The following GABRB1 variants were observed in gnomAD, a reference collection of about 807,000 sequenced individuals.
The protein encoded by GABRB1 is gamma-aminobutyric acid receptor subunit beta-1.
GABRB1 carries 17 observed loss-of-function variants against 51.6 expected under a neutral mutation model. The observed-to-expected ratio is 0.33, with a 90% confidence interval of 0.23 to 0.49. The LOEUF is 0.49. Ranked by LOEUF, GABRB1 falls within the 20% of genes least tolerant of loss-of-function variation. The probability of loss-of-function intolerance (pLI) is 0.99; values close to 1 mark genes in which losing one functional copy is unlikely to be tolerated. For synonymous variants in GABRB1, 247 were observed against 218.9 expected, an observed-to-expected ratio of 1.13 and a Z score of -1.14; for missense variants, 410 against 600.6, an observed-to-expected ratio of 0.68 and a Z score of 3.32.
intron 3 of GABRB1, among the ~76,000 whole-genome samples, chr4:47,155,916 C>CATATATATATATATAT (rs10525795): frequency 0.12 from 8,954 of 72,012 alleles, 1,725 homozygotes; most frequent in Non-Finnish European, 0.18. Flanking sequence ...GAGGTATTTT[C>CATATATATATATATAT]ATATATATAT....
chr4:47,233,174 C>T (rs1369940968), intron 4 of GABRB1, among the ~76,000 whole-genome samples: 3 of 152,104 alleles, frequency 2.0e-5, no homozygotes, highest in Non-Finnish European at 4.4e-5. Flanking sequence ...CCACATCCCA[C>T]CTGATAATCT....
At chr4:47,370,685 G>A (rs1727157797) in intron 5 of GABRB1, among the ~76,000 whole-genome samples, 1 of 152,152 alleles carries the variant, frequency 6.6e-6, no homozygotes, top group Non-Finnish European at 1.5e-5. Context: ...CTCAATGTGA[G>A]TAACCATCTG....
At chr4:47,150,359 CACACGCACATACACACACACAG>C (rs1290695527) in intron 3 of GABRB1, among the ~76,000 whole-genome samples, 69 of 110,868 alleles carry the variant, frequency 6.2e-4, no homozygotes, top group African/African-American at 2.0e-3. Context: ...TACACACACA[CACACGCACATACACACACACAG>C]AGAGAGAGAG....
intron 4 of GABRB1, among the ~76,000 whole-genome samples, chr4:47,246,634 C>T (rs1216655123): frequency 6.6e-6 from 1 of 151,536 alleles, no homozygotes; most frequent in Non-Finnish European, 1.5e-5. Context: ...TACTAGTTTA[C>T]ATTCCCACCA....
intron 5 of GABRB1, among the ~76,000 whole-genome samples, chr4:47,320,454 GTTT>G (rs1725039055): frequency 6.6e-6 from 1 of 152,192 alleles, no homozygotes; most frequent in Non-Finnish European, 1.5e-5. Context: ...TCAGAACGTA[GTTT>G]CTCCCAAAGC....
intron 4 of GABRB1, among the ~76,000 whole-genome samples, chr4:47,270,424 G>A (rs1206629519): frequency 6.6e-6 from 1 of 152,156 alleles, no homozygotes; most frequent in Admixed American, 6.5e-5. Context: ...TTACTCCCAA[G>A]CACAGCAAGG....
At chr4:46,994,790 C>T (rs889526381) in intron 1 of GABRB1, among the ~76,000 whole-genome samples, 3 of 152,132 alleles carry the variant, frequency 2.0e-5, no homozygotes, top group Admixed American at 2.0e-4. Context: ...ATTCCCATAC[C>T]TTGGAACCAA....
intron 5 of GABRB1, among the ~76,000 whole-genome samples, chr4:47,393,395 G>A (rs1418674421): frequency 6.6e-6 from 1 of 152,172 alleles, no homozygotes; most frequent in Non-Finnish European, 1.5e-5. Flanking sequence ...CGAGGCGTGT[G>A]TATAGTGGAG....
chr4:47,097,640 T>G (rs574176902), intron 3 of GABRB1, among the ~76,000 whole-genome samples: 379 of 152,352 alleles, frequency 2.5e-3, no homozygotes, highest in Non-Finnish European at 4.1e-3. Flanking sequence ...TCTGATTCTC[T>G]GGTGCCTAGA....
intron 4 of GABRB1, among the ~76,000 whole-genome samples, chr4:47,283,715 A>G (rs1344244223): frequency 6.6e-6 from 1 of 151,978 alleles, no homozygotes; most frequent in South Asian, 2.1e-4. Context: ...AGGGGACTTA[A>G]GAAAAATAAA....
intron 4 of GABRB1, among the ~76,000 whole-genome samples, chr4:47,319,351 G>C (rs368821500): frequency 6.6e-5 from 10 of 152,028 alleles, no homozygotes; most frequent in Non-Finnish European, 1.5e-4. Flanking sequence ...TCAGTACCAT[G>C]TTGACTAGCA....
rs1398349763 is a variant in GABRB1 at position 47,031,944 on chromosome 4, G to A, written c.111G>A (p.Val37=). The change falls in exon 2 of 9, where the codon GTG becomes GTA. Residue 37 remains valine, a synonymous_variant. Transcript: ENST00000295454. ...STNEPSNMSY[V]KETVDRLLKG... Reference sequence around the variant, plus strand: ...ATGAACCCAGCAACATGTCATACGTGAAAGAGACAGTGGACAGATTGCTCA... The same window carrying A: ...ATGAACCCAGCAACATGTCATACGTAAAAGAGACAGTGGACAGATTGCTCA... The A allele has an allele frequency of 5.0e-6, 8 of 1,613,840 alleles. No individual in the cohort carries two copies. Among genetic ancestry groups the A allele is most frequent in the Non-Finnish European group, 6.8e-6 (8 of 1,179,986 alleles).
intron 5 of GABRB1, among the ~76,000 whole-genome samples, chr4:47,334,454 C>T (rs1436299532): frequency 1.3e-5 from 2 of 152,126 alleles, no homozygotes; most frequent in Admixed American, 1.3e-4. Context: ...GAAATACATA[C>T]ACCTGAACAG....
chr4:47,050,073 TG>T (rs1315882152), intron 3 of GABRB1, among the ~76,000 whole-genome samples: 1 of 152,228 alleles, frequency 6.6e-6, no homozygotes, highest in Non-Finnish European at 1.5e-5. Context: ...TAACTATCTA[TG>T]TGCTATCACT....
At chr4:47,261,961 A>G (rs999806230) in intron 4 of GABRB1, among the ~76,000 whole-genome samples, 16 of 151,770 alleles carry the variant, frequency 1.1e-4, no homozygotes, top group Admixed American at 8.5e-4. Context: ...CCTATTTAAT[A>G]AATGGTGCTG....
intron 5 of GABRB1, among the ~76,000 whole-genome samples, chr4:47,360,015 A>AC (rs1428559488): frequency 6.6e-6 from 1 of 152,068 alleles, no homozygotes; most frequent in African/African-American, 2.4e-5. Context: ...GGAGCCTGTT[A>AC]CATTAACCAA....
intron 4 of GABRB1, among the ~76,000 whole-genome samples, chr4:47,233,180 A>T (rs1427713153): frequency 6.6e-6 from 1 of 152,068 alleles, no homozygotes; most frequent in African/African-American, 2.4e-5. Context: ...CCCACCTGAT[A>T]ATCTTTTGTC....
chr4:47,317,431 G>T (rs1219570508), intron 4 of GABRB1, among the ~76,000 whole-genome samples: 1 of 151,734 alleles, frequency 6.6e-6, no homozygotes, highest in Non-Finnish European at 1.5e-5. Context: ...TTTATTTAGG[G>T]TGTTTGAATC....
chr4:47,300,155 G>A lies in GABRB1; in HGVS notation c.462-19972G>A, dbSNP rs530470438. Among the ~76,000 whole-genome samples the A allele has an allele frequency of 1.1e-3, 171 of 151,758 alleles. 1 individual carries two copies. The highest frequency in any genetic ancestry group is 3.9e-3 in the African/African-American group (162 of 41,348). ...ACCTAAGGCTAAATGACAAGTTAAT[G>A]GGTGCGGCACACTAGCACAGCACAT... is the stretch of plus-strand genomic sequence containing the variant. On this transcript the variant is annotated intron_variant, in intron 4 of 8. Coordinates refer to ENST00000295454, the MANE Select transcript of GABRB1 (RefSeq NM_000812.4).
Sources: gnomAD v4.1 joint callset for allele counts (sites outside exome capture counted in the v4.1 genomes callset) on GRCh38, gnomAD v4.1.1 for gene constraint, MANE v1.5 for transcripts, NCBI Gene and HGNC (gene_info 2026-07-23, HGNC 2026-07-21) for gene names.